TMPRSS15: variants seen among roughly 807,000 people sequenced by gnomAD.
TMPRSS15 encodes the protein transmembrane serine protease 15, also known as enteropeptidase.
Under a neutral mutation model 125.3 loss-of-function variants are expected in TMPRSS15, and 128 were observed. That is an observed-to-expected ratio of 1.02 (90% CI 0.89 to 1.18). The LOEUF (loss-of-function observed/expected upper bound fraction) is 1.18. Ranked by LOEUF, TMPRSS15 falls within the 50% of genes most tolerant of loss-of-function variation. TMPRSS15 has a pLI of 0.00. For missense variants in TMPRSS15, 1,283 were observed against 1,212.7 expected (o/e 1.06, Z -0.86); for synonymous variants, 446 against 423.2 (o/e 1.05, Z -0.66).
chr21:18,452,007 C>CA (rs112582193), intron 1 of TMPRSS15, among the ~76,000 whole-genome samples: 1 of 151,742 alleles, frequency 6.6e-6, no homozygotes, highest in Non-Finnish European at 1.5e-5. Context: ...TGGTTCAATT[C>CA]AAAAAAAGAT....
chr21:18,419,792 G>C (rs897369220), intron 1 of TMPRSS15, among the ~76,000 whole-genome samples: 1 of 152,166 alleles, frequency 6.6e-6, no homozygotes, highest in African/African-American at 2.4e-5. Context: ...GTATGTGACT[G>C]TTTTTGGATA....
At chr21:18,317,241 C>T (rs2075176605) in intron 16 of TMPRSS15, among the ~76,000 whole-genome samples, 1 of 151,962 alleles carries the variant, frequency 6.6e-6, no homozygotes, top group Non-Finnish European at 1.5e-5. Flanking sequence ...AAGTTGTAGA[C>T]TCACATCTGA....
rs778302255 is a variant in TMPRSS15, at chr21:18,353,716, T to C, written c.1021+7A>G. 4 of 1,607,632 alleles carry C rather than the reference T, an allele frequency of 2.5e-6. No individual in the cohort carries two copies. The highest frequency in any genetic ancestry group is 3.4e-6 in the Non-Finnish European group (4 of 1,176,736). ...AATTAAAAAGCCAAAAAATAAATAA[T>C]ACTTACTATTAAGCTCACTGCTGTT... On this transcript the variant is annotated splice_region_variant and intron_variant, in intron 9 of 24. Coordinates refer to ENST00000284885, the MANE Select transcript of TMPRSS15 (RefSeq NM_002772.3).
intron 1 of TMPRSS15, among the ~76,000 whole-genome samples, chr21:18,457,669 A>G (rs929734307): frequency 3.3e-5 from 5 of 152,184 alleles, no homozygotes; most frequent in African/African-American, 1.2e-4. Flanking sequence ...AGTTGGGCTA[A>G]TAAGAAATGG....
chr21:18,311,581 C>G (rs2075101592), intron 18 of TMPRSS15, among the ~76,000 whole-genome samples: 1 of 151,970 alleles, frequency 6.6e-6, no homozygotes, highest in Non-Finnish European at 1.5e-5. Flanking sequence ...AAAAGAGAGG[C>G]AGTAAGGGAT....
At chr21:18,452,248 T>C (rs1370385221) in intron 1 of TMPRSS15, among the ~76,000 whole-genome samples, 2 of 152,194 alleles carry the variant, frequency 1.3e-5, no homozygotes, top group Non-Finnish European at 2.9e-5. Context: ...TTCATAAGCA[T>C]GGTTTGTTAA....
intron 1 of TMPRSS15, among the ~76,000 whole-genome samples, chr21:18,457,921 C>G (rs1255627307): frequency 1.3e-5 from 2 of 152,090 alleles, no homozygotes; most frequent in Non-Finnish European, 1.5e-5. Context: ...AGCCCAGAAA[C>G]TTTTGAGTAT....
At chr21:18,429,588 T>C (rs1367251783) in intron 1 of TMPRSS15, among the ~76,000 whole-genome samples, 1 of 152,220 alleles carries the variant, frequency 6.6e-6, no homozygotes, top group Non-Finnish European at 1.5e-5. Flanking sequence ...TTTCCACTTT[T>C]GTGTCTTCAT....
At chr21:18,423,558 G>A (rs1236580274) in intron 1 of TMPRSS15, among the ~76,000 whole-genome samples, 14 of 151,154 alleles carry the variant, frequency 9.3e-5, no homozygotes, top group East Asian at 5.8e-4. Flanking sequence ...ACAGGCGCCC[G>A]CCACCACACC....
chr21:18,310,272 G>T (rs117759094), intron 18 of TMPRSS15, among the ~76,000 whole-genome samples: 115 of 152,178 alleles, frequency 7.6e-4, no homozygotes, highest in Non-Finnish European at 1.2e-3. Context: ...CAGTCAAATT[G>T]TCTCTTTTCA....
intron 13 of TMPRSS15, among the ~76,000 whole-genome samples, chr21:18,332,792 A>C (rs562566144): frequency 3.9e-5 from 6 of 152,324 alleles, no homozygotes; most frequent in African/African-American, 1.4e-4. Context: ...ACACATGCAC[A>C]CGTTTTTTCA....
chr21:18,329,512 A>G (rs938962066), intron 14 of TMPRSS15, among the ~76,000 whole-genome samples: 4 of 151,500 alleles, frequency 2.6e-5, no homozygotes, highest in African/African-American at 9.7e-5. Context: ...TAACATTTCA[A>G]TTAAATTTGA....
chr21:18,485,345 TC>T (rs1279023876), intron 1 of TMPRSS15, among the ~76,000 whole-genome samples: 1 of 151,962 alleles, frequency 6.6e-6, no homozygotes, highest in African/African-American at 2.4e-5. Context: ...GACCCTCAGT[TC>T]AATGTAGAAA....
In TMPRSS15 at chr21:18,341,413, T is replaced by C; in HGVS notation, c.1564A>G (p.Thr522Ala). The change falls in exon 13 of 25, where the codon ACG (threonine) becomes GCG (alanine). Residue 522 changes from threonine (T) to alanine (A), a missense_variant and splice_region_variant. Transcript: ENST00000284885. ...LVPTPPPELP[T>A]DCGGPFELWE... ...CAAAATACACATGAAGGTTACTTAC[T>C]AGGAAGTTCTGGTGGAGGAGTTGGC... 1.9e-6 allele frequency: 3 copies of C among 1,614,086 alleles called. No individual in the cohort carries two copies. The highest frequency in any genetic ancestry group is 1.1e-5 in the South Asian group (1 of 91,080).
intron 18 of TMPRSS15, among the ~76,000 whole-genome samples, chr21:18,311,623 C>T (rs1272563803): frequency 6.6e-6 from 1 of 152,096 alleles, no homozygotes; most frequent in African/African-American, 2.4e-5. Flanking sequence ...GAAGAACACC[C>T]ATAGACTGTT....
intron 23 of TMPRSS15, among the ~76,000 whole-genome samples, chr21:18,278,054 A>G (rs2074642951): frequency 6.6e-6 from 1 of 152,204 alleles, no homozygotes; most frequent in African/African-American, 2.4e-5. Flanking sequence ...GATGGATACA[A>G]TGTAAGATTC....
At chr21:18,333,074 C>T (rs1230866897) in intron 13 of TMPRSS15, among the ~76,000 whole-genome samples, 3 of 152,058 alleles carry the variant, frequency 2.0e-5, no homozygotes, top group Admixed American at 2.0e-4. Flanking sequence ...AGGGAAACAA[C>T]ACACACTGGG....
chr21:18,294,403 T>A lies in TMPRSS15; in HGVS notation c.2353A>T (p.Ile785Phe), dbSNP rs1412664449. ...KLAAQDITPK[I>F]VGGSNAKEGA... ...TCTTTGGCATTACTTCCTCCAACAA[T>A]CTTTGGGGTGATGTCTTGAGCTGCC... is the stretch of plus-strand genomic sequence containing the variant. Residue 785 changes from isoleucine (I) to phenylalanine (F), a missense_variant, in exon 21 of 25, where the codon ATT (isoleucine) becomes TTT (phenylalanine). By Grantham distance (21) the Ile-to-Phe change is conservative (BLOSUM62 0). Coordinates refer to ENST00000284885, the MANE Select transcript of TMPRSS15 (RefSeq NM_002772.3). 1 of 1,614,090 alleles carries A rather than the reference T, an allele frequency of 6.2e-7. No homozygotes were observed. Among genetic ancestry groups the A allele is most frequent in the Non-Finnish European group, 8.5e-7 (1 of 1,180,034 alleles).
chr21:18,297,873 A>G (rs750800157), intron 18 of TMPRSS15, 44 bp from the exon 19 acceptor site: 1 of 1,440,460 alleles, frequency 6.9e-7, no homozygotes. Context: ...CAAAAGCATA[A>G]AGAAAAGACC....
Sources: gnomAD v4.1 joint callset for allele counts (sites outside exome capture counted in the v4.1 genomes callset) on GRCh38, gnomAD v4.1.1 for gene constraint, MANE v1.5 for transcripts, NCBI Gene and HGNC (gene_info 2026-07-23, HGNC 2026-07-21) for gene names.